The following NAV3 variants were observed in gnomAD, a reference collection of about 807,000 sequenced individuals.
NAV3 encodes the protein pore membrane and/or filament interacting like protein 1.
A neutral mutation model predicts 244.7 loss-of-function variants in NAV3; 87 were observed. That is an observed-to-expected ratio of 0.36 (90% CI 0.30 to 0.42). The LOEUF (loss-of-function observed/expected upper bound fraction) is 0.42. Among genes scored for constraint, NAV3 ranks in the 20% least tolerant of loss-of-function variants. The probability of loss-of-function intolerance (pLI) is 1.00; values close to 1 mark genes in which losing one functional copy is unlikely to be tolerated. For synonymous variants in NAV3, 1,126 were observed against 1,042.2 expected, an observed-to-expected ratio of 1.08 and a Z score of -1.55; for missense variants, 2,663 against 2,893.3, an observed-to-expected ratio of 0.92 and a Z score of 1.83.
rs576132818 is a variant in NAV3, at chr12:78,124,220, T to A, written c.4238+1792T>A. Among the ~76,000 whole-genome samples, 13 of 152,356 alleles carry A rather than the reference T, an allele frequency of 8.5e-5. No individual in the cohort carries two copies. The South Asian group carries it at 2.7e-3, about 32-fold the overall frequency. On this transcript the variant is annotated intron_variant, in intron 16 of 39. Coordinates refer to ENST00000397909, the MANE Select transcript of NAV3 (RefSeq NM_001024383.2). Reference sequence around the variant, plus strand: ...AGAAATAAAGTCAAGTAACTATTTATAACCAAGTAACATTCAAATCAAAAC... The same window carrying A: ...AGAAATAAAGTCAAGTAACTATTTAAAACCAAGTAACATTCAAATCAAAAC...
intron 23 of NAV3, among the ~76,000 whole-genome samples, chr12:78,163,593 AAAAT>A (rs1031289643): frequency 6.6e-6 from 1 of 152,068 alleles, no homozygotes; most frequent in African/African-American, 2.4e-5. Context: ...ACAAAAATAA[AAAAT>A]AAAAAATAGT....
intron 1 of NAV3, among the ~76,000 whole-genome samples, chr12:77,882,109 G>A (rs1677911): frequency 0.14 from 20,548 of 151,948 alleles, 1,495 homozygotes; most frequent in East Asian, 0.22. Flanking sequence ...AAAAGTGTCC[G>A]GACAGCCAAA....
At chr12:77,880,418 G>T (rs1229645944) in intron 1 of NAV3, among the ~76,000 whole-genome samples, 1 of 152,112 alleles carries the variant, frequency 6.6e-6, no homozygotes, top group African/African-American at 2.4e-5. Flanking sequence ...AAACCTGCAA[G>T]TAAGCAGAAA....
chr12:77,965,812 C>G (rs1331786973), intron 3 of NAV3, among the ~76,000 whole-genome samples: 1 of 152,156 alleles, frequency 6.6e-6, no homozygotes, highest in Non-Finnish European at 1.5e-5. Context: ...CTGTCTCCAT[C>G]TATCTATCTT....
At chr12:78,008,399 G>A (rs1389112574) in intron 8 of NAV3, among the ~76,000 whole-genome samples, 4 of 152,008 alleles carry the variant, frequency 2.6e-5, no homozygotes, top group Admixed American at 2.0e-4. Flanking sequence ...TGTTTTAATC[G>A]ATTAGAGATA....
At chr12:77,659,751 A>C (rs1344899060) in intron 2 of NAV3, among the ~76,000 whole-genome samples, 3 of 152,220 alleles carry the variant, frequency 2.0e-5, no homozygotes, top group Non-Finnish European at 2.9e-5. Context: ...AAAATGTGGC[A>C]CATATACACC....
intron 1 of NAV3, among the ~76,000 whole-genome samples, chr12:77,841,347 G>A (rs1875612020): frequency 6.6e-6 from 1 of 152,182 alleles, no homozygotes; most frequent in Non-Finnish European, 1.5e-5. Flanking sequence ...TAACTTTTCT[G>A]TAAAACTGAA....
intron 1 of NAV3, among the ~76,000 whole-genome samples, chr12:77,935,430 C>T (rs1022197716): frequency 1.3e-5 from 2 of 152,148 alleles, no homozygotes; most frequent in South Asian, 4.1e-4. Context: ...GTCATTACAA[C>T]TTCCTGCAAT....
chr12:77,824,601 T>A (rs527553168), intron 2 of NAV3, among the ~76,000 whole-genome samples: 1 of 151,916 alleles, frequency 6.6e-6, no homozygotes, highest in South Asian at 2.1e-4. Flanking sequence ...ATTAAAAAAA[T>A]AAAATTGCTG....
intron 2 of NAV3, among the ~76,000 whole-genome samples, chr12:77,772,097 A>G (rs1285805649): frequency 6.6e-6 from 1 of 152,098 alleles, no homozygotes; most frequent in African/African-American, 2.4e-5. Flanking sequence ...CTCAACTACA[A>G]ATTTGATAAC....
At chr12:77,833,842 C>T (rs897835080) in intron 1 of NAV3, among the ~76,000 whole-genome samples, 5 of 152,136 alleles carry the variant, frequency 3.3e-5, no homozygotes, top group African/African-American at 1.2e-4. Context: ...GGCCGCCCAG[C>T]AGCCAGACTC....
intron 1 of NAV3, among the ~76,000 whole-genome samples, chr12:77,905,269 C>A (rs1885845295): frequency 6.6e-6 from 1 of 152,182 alleles, no homozygotes; most frequent in East Asian, 1.9e-4. Flanking sequence ...GTATTTATTA[C>A]TAGCAGTATT....
rs958757848 is a variant in NAV3, at chr12:78,200,409, C to T, written c.6716-64C>T. On this transcript the variant is annotated intron_variant, in intron 37 of 39. Coordinates refer to ENST00000397909, the MANE Select transcript of NAV3 (RefSeq NM_001024383.2). Reference sequence around the variant, plus strand: ...AATATATTATATTCCAAAATGGTGTCTAGATATGTGTTTAGATTATTAAAT... The same window carrying T: ...AATATATTATATTCCAAAATGGTGTTTAGATATGTGTTTAGATTATTAAAT... 5 of 949,842 alleles carry T rather than the reference C, an allele frequency of 5.3e-6. 1 individual carries two copies. The highest frequency in any genetic ancestry group is 3.6e-4 in the Middle Eastern group (1 of 2,770). The allele number at this position is 949,842 out of a possible 1,614,324, so 58.8% of individuals were successfully genotyped here.
chr12:78,169,728 C>T (rs1356231262), intron 24 of NAV3, among the ~76,000 whole-genome samples: 1 of 151,658 alleles, frequency 6.6e-6, no homozygotes, highest in East Asian at 1.9e-4. Context: ...TCCACTCCAC[C>T]AAAACAATGC....
At chr12:77,927,856 CAG>C (rs1033209108) in intron 1 of NAV3, among the ~76,000 whole-genome samples, 8 of 151,984 alleles carry the variant, frequency 5.3e-5, no homozygotes, top group African/African-American at 1.5e-4. Context: ...TTATTTCTGC[CAG>C]AGTGTTTGAT....
At chr12:77,622,647 G>A (rs1027792285) in intron 2 of NAV3, among the ~76,000 whole-genome samples, 1 of 144,578 alleles carries the variant, frequency 6.9e-6, no homozygotes, top group Non-Finnish European at 1.5e-5. Context: ...TCCAAAATAT[G>A]TAGAAAAGCA....
At chr12:78,124,455 TG>T (rs1955817990) in intron 16 of NAV3, among the ~76,000 whole-genome samples, 1 of 126,642 alleles carries the variant, frequency 7.9e-6, no homozygotes, top group African/African-American at 2.9e-5. Context: ...TGTTATGTTA[TG>T]TTATTTATTT....
intron 39 of NAV3, among the ~76,000 whole-genome samples, chr12:78,209,785 C>A (rs1246389489): frequency 1.3e-5 from 2 of 152,160 alleles, no homozygotes; most frequent in Non-Finnish European, 2.9e-5. Context: ...ATGTATCAAT[C>A]ATATTTTAGC....
chr12:78,051,317 G>A (rs1593397215), intron 11 of NAV3, among the ~76,000 whole-genome samples, 170 bp downstream of exon 11: 1 of 152,198 alleles, frequency 6.6e-6, no homozygotes, highest in Non-Finnish European at 1.5e-5. Flanking sequence ...TTCATGGAGA[G>A]TAAAGAATCC....
Sources: allele counts gnomAD v4.1 joint callset (sites outside exome capture counted in the v4.1 genomes callset), GRCh38; gene constraint gnomAD v4.1.1; transcripts MANE v1.5; gene names NCBI Gene and HGNC (gene_info 2026-07-23, HGNC 2026-07-21).